The following LRP1B variants were observed in gnomAD, a reference collection of about 807,000 sequenced individuals.
LRP1B encodes the protein low-density lipoprotein receptor-related protein 1B.
In LRP1B, 217 loss-of-function variants were observed where a neutral mutation model predicts 556.6. The ratio of observed to expected loss-of-function variants is 0.39; its 90% CI spans 0.35 to 0.44. The LOEUF is 0.44. Among genes scored for constraint, LRP1B ranks in the 20% least tolerant of loss-of-function variants. The probability of loss-of-function intolerance (pLI) is 1.00; values close to 1 mark genes in which losing one functional copy is unlikely to be tolerated. For missense variants in LRP1B, 5,053 were observed against 5,620.8 expected (o/e 0.90, Z 3.23); for synonymous variants, 2,047 against 1,865.8 (o/e 1.10, Z -2.50).
chr2:140,676,153 T>C (rs993350211), intron 41 of LRP1B, among the ~76,000 whole-genome samples: 2 of 152,178 alleles, frequency 1.3e-5, no homozygotes, highest in African/African-American at 2.4e-5. Context: ...GGAGGAGTTA[T>C]TCCAGAGTTC....
intron 2 of LRP1B, among the ~76,000 whole-genome samples, chr2:141,745,222 C>A (rs764625137): frequency 6.6e-6 from 1 of 152,056 alleles, no homozygotes; most frequent in Non-Finnish European, 1.5e-5. Flanking sequence ...CCCCAGGGCT[C>A]TACAATCAGC....
At chr2:141,804,619 T>C (rs1021820323) in intron 2 of LRP1B, among the ~76,000 whole-genome samples, 5 of 152,008 alleles carry the variant, frequency 3.3e-5, no homozygotes, top group African/African-American at 7.2e-5. Flanking sequence ...TGAGAAAGAA[T>C]GAGAGAGGAT....
intron 1 of LRP1B, among the ~76,000 whole-genome samples, chr2:142,117,721 A>G (rs1387487145): frequency 6.6e-6 from 1 of 152,124 alleles, no homozygotes. Flanking sequence ...ATAAAAATTC[A>G]GATTCCCAGC....
intron 1 of LRP1B, among the ~76,000 whole-genome samples, chr2:141,875,587 T>A (rs1698730853): frequency 6.6e-6 from 1 of 152,004 alleles, no homozygotes; most frequent in Non-Finnish European, 1.5e-5. Context: ...AATAATAGTT[T>A]GACAATTATT....
intron 1 of LRP1B, among the ~76,000 whole-genome samples, chr2:141,898,812 T>A (rs1333134560): frequency 6.6e-6 from 1 of 152,120 alleles, no homozygotes; most frequent in Non-Finnish European, 1.5e-5. Context: ...CCATTTGCCA[T>A]AATTTGTTAT....
intron 86 of LRP1B, among the ~76,000 whole-genome samples, chr2:140,262,068 T>A (rs1558933745): frequency 6.6e-6 from 1 of 150,866 alleles, no homozygotes. Context: ...GAATTACTAT[T>A]AAAAAAAAAG....
At chr2:141,610,175 T>A (rs747785578) in intron 2 of LRP1B, among the ~76,000 whole-genome samples, 1 of 150,468 alleles carries the variant, frequency 6.6e-6, no homozygotes, top group African/African-American at 2.4e-5. Flanking sequence ...GAAACCCTAT[T>A]TCGTGGGGGG....
At chr2:141,224,289 T>C (rs1475679336) in intron 6 of LRP1B, among the ~76,000 whole-genome samples, 1 of 152,178 alleles carries the variant, frequency 6.6e-6, no homozygotes, top group African/African-American at 2.4e-5. Context: ...AAAACCGTGA[T>C]GAGATACCAT....
At chr2:140,911,346 G>T (rs1239133766) in intron 21 of LRP1B, among the ~76,000 whole-genome samples, 1 of 151,728 alleles carries the variant, frequency 6.6e-6, no homozygotes, top group Non-Finnish European at 1.5e-5. Context: ...TTAGTTACTG[G>T]AAACCCATTG....
intron 35 of LRP1B, among the ~76,000 whole-genome samples, chr2:140,725,582 G>A (rs1414726501): frequency 4.0e-5 from 6 of 151,488 alleles, no homozygotes; most frequent in African/African-American, 1.2e-4. Context: ...TATACCTAAT[G>A]TAAATGACGA....
At chr2:140,522,154 A>G (rs1469728716) in intron 49 of LRP1B, among the ~76,000 whole-genome samples, 1 of 152,048 alleles carries the variant, frequency 6.6e-6, no homozygotes, top group Non-Finnish European at 1.5e-5. Flanking sequence ...TGTACACAAA[A>G]TATACTCTAA....
chr2:140,906,518 G>T (rs1559186654), intron 22 of LRP1B, among the ~76,000 whole-genome samples: 1 of 151,936 alleles, frequency 6.6e-6, no homozygotes, highest in Non-Finnish European at 1.5e-5. Context: ...TTCAATAACT[G>T]CAGGGCATCA....
At chr2:140,411,755 C>T (rs929557934) in intron 66 of LRP1B, among the ~76,000 whole-genome samples, 2 of 152,034 alleles carry the variant, frequency 1.3e-5, no homozygotes, top group Non-Finnish European at 2.9e-5. Flanking sequence ...ATCAATACCA[C>T]CTAATTTAAA....
chr2:140,706,971 A>C (rs1175134878), intron 37 of LRP1B, among the ~76,000 whole-genome samples: 2 of 152,152 alleles, frequency 1.3e-5, no homozygotes, highest in African/African-American at 4.8e-5. Context: ...AATGGAGTGA[A>C]AGAAAATAAT....
chr2:141,854,770 G>A (rs941165914), intron 1 of LRP1B, among the ~76,000 whole-genome samples: 3 of 151,946 alleles, frequency 2.0e-5, no homozygotes, highest in African/African-American at 4.8e-5. Flanking sequence ...CATTACTAAT[G>A]TAAACTCATT....
intron 1 of LRP1B, among the ~76,000 whole-genome samples, chr2:142,049,051 TGATTA>T (rs1704354461): frequency 6.6e-6 from 1 of 152,092 alleles, no homozygotes; most frequent in African/African-American, 2.4e-5. Context: ...AACTGTTATT[TGATTA>T]AAGATCATTT....
At chr2:140,322,499 T>TAACA (rs1354664053) in intron 81 of LRP1B, among the ~76,000 whole-genome samples, 1 of 151,950 alleles carries the variant, frequency 6.6e-6, no homozygotes, top group Non-Finnish European at 1.5e-5. Context: ...AGAGCTGTTC[T>TAACA]AACAGACAAA....
intron 11 of LRP1B, among the ~76,000 whole-genome samples, chr2:141,035,668 G>T (rs971149818): frequency 6.6e-6 from 1 of 151,562 alleles, no homozygotes; most frequent in Admixed American, 6.6e-5. Context: ...TTAAATAAAA[G>T]ATTTTTTCTG....
chr2:141,693,753 C>G (rs932497372), intron 2 of LRP1B, among the ~76,000 whole-genome samples: 1 of 152,002 alleles, frequency 6.6e-6, no homozygotes, highest in African/African-American at 2.4e-5. Flanking sequence ...CTAAGGGATT[C>G]TTATCAATGC....
Sources: allele counts gnomAD v4.1 joint callset (sites outside exome capture counted in the v4.1 genomes callset), GRCh38; gene constraint gnomAD v4.1.1; transcripts MANE v1.5; gene names NCBI Gene and HGNC (gene_info 2026-07-23, HGNC 2026-07-21).